The following COG3 variants were observed in gnomAD, a reference collection of about 807,000 sequenced individuals.
The protein encoded by COG3 is component of oligomeric golgi complex 3, also known as conserved oligomeric Golgi complex subunit 3.
In COG3, 32 loss-of-function variants were observed where a neutral mutation model predicts 114.1. The ratio of observed to expected loss-of-function variants is 0.28; its 90% CI spans 0.21 to 0.38. The LOEUF is 0.38. Ranked by LOEUF, COG3 falls within the 10% of genes least tolerant of loss-of-function variation. The pLI is 1.00. For synonymous variants in COG3, 352 were observed against 365.7 expected, an observed-to-expected ratio of 0.96 and a Z score of 0.43; for missense variants, 813 against 973.2, an observed-to-expected ratio of 0.84 and a Z score of 2.19.
At chr13:45,513,348 T>TATATAATATATACATATAAATTATAC (rs1425369407) in intron 16 of COG3, among the ~76,000 whole-genome samples, 1 of 130,310 alleles carries the variant, frequency 7.7e-6, no homozygotes, top group African/African-American at 3.4e-5. Context: ...ATATAAATTA[T>TATATAATATATACATATAAATTATAC]ATATAATATA....
In COG3 at chr13:45,480,650, C is replaced by T. The variant is rs576516888; in HGVS notation, c.549+360C>T. Among the ~76,000 whole-genome samples the T allele has an allele frequency of 7.2e-5, 11 of 152,280 alleles. No individual in the cohort carries two copies. In the East Asian group the frequency reaches 1.4e-3, roughly 19 times the overall value. On this transcript the variant is annotated intron_variant, in intron 4 of 22. Transcript: ENST00000349995. Reference sequence around the variant, plus strand: ...ACGTGATCTCAGCTCATTGCAACCTCGGCCTCCTGGGCTCAAGCGATTCTC... The same window carrying T: ...ACGTGATCTCAGCTCATTGCAACCTTGGCCTCCTGGGCTCAAGCGATTCTC...
At position 45,476,235 on chromosome 13, in the gene COG3, A is replaced by T; in HGVS notation, c.209A>T (p.Gln70Leu). 1 of 1,613,900 alleles carries T rather than the reference A, an allele frequency of 6.2e-7. No homozygotes were observed. Among genetic ancestry groups the T allele is most frequent in the Non-Finnish European group, 8.5e-7 (1 of 1,179,896 alleles). Residue 70 changes from glutamine to leucine, a missense_variant, in exon 2 of 23, where the codon CAG becomes CTG. This residue lies in a region of COG3 where 424 missense variants were observed against 430.6 expected (regional missense o/e 0.98). Coordinates refer to ENST00000349995, the MANE Select transcript of COG3 (RefSeq NM_031431.4). ...GAAGACTTGTGCAGTTTAACATCCC[A>T]GTCACTGCCCATTGAACTGACTTCA... is the stretch of plus-strand genomic sequence containing the variant. ...PIEDLCSLTSQSLPIELTSVV... is the reference protein window; with the variant it reads ...PIEDLCSLTSLSLPIELTSVV...
At chr13:45,482,130 A>G (rs1056754674) in intron 5 of COG3, among the ~76,000 whole-genome samples, 7 of 152,190 alleles carry the variant, frequency 4.6e-5, no homozygotes, top group Non-Finnish European at 8.8e-5. Context: ...AATATATACC[A>G]TGTCCTAATT....
chr13:45,489,133 G>A (rs1886849548), intron 8 of COG3, among the ~76,000 whole-genome samples: 3 of 136,160 alleles, frequency 2.2e-5, no homozygotes, highest in African/African-American at 8.4e-5. Flanking sequence ...GATGCAGTGA[G>A]CCAAGATAGC....
At chr13:45,511,642 G>T in intron 15 of COG3, 123 bp from the exon 16 acceptor site, 1 of 677,664 alleles carries the variant, frequency 1.5e-6, no homozygotes. Context: ...AATAATACAA[G>T]TAGTAAATTA....
intron 1 of COG3, 94 bp from the exon 2 acceptor site, chr13:45,476,107 T>C: frequency 8.6e-7 from 1 of 1,166,176 alleles, no homozygotes; most frequent in Non-Finnish European, 1.3e-6. Context: ...TATTTCTTTC[T>C]CTTTCAAAAC....
intron 13 of COG3, among the ~76,000 whole-genome samples, chr13:45,498,082 A>G (rs1260114730): frequency 1.3e-5 from 2 of 152,140 alleles, no homozygotes; most frequent in Admixed American, 1.3e-4. Context: ...TAATATCATC[A>G]AGTATCTAGA....
intron 16 of COG3, among the ~76,000 whole-genome samples, chr13:45,515,188 A>G (rs947588963): frequency 6.6e-6 from 1 of 152,152 alleles, no homozygotes; most frequent in African/African-American, 2.4e-5. Context: ...AATGTGTAGC[A>G]TTTCCCACTT....
At chr13:45,531,493 A>T (rs2137933930) in intron 22 of COG3, among the ~76,000 whole-genome samples, 1 of 133,542 alleles carries the variant, frequency 7.5e-6, no homozygotes, top group South Asian at 2.8e-4. Context: ...GTGAGTGTAG[A>T]TAAATCTTGT....
chr13:45,525,125 A>T, intron 20 of COG3, 74 bp downstream of exon 20: 4 of 1,253,062 alleles, frequency 3.2e-6, no homozygotes, highest in Non-Finnish European at 4.6e-6. Context: ...CCTTACTGTG[A>T]CAGCTTGGAG....
intron 1 of COG3, among the ~76,000 whole-genome samples, chr13:45,466,181 G>T (rs1885126077): frequency 6.6e-6 from 1 of 152,088 alleles, no homozygotes; most frequent in Non-Finnish European, 1.5e-5. Flanking sequence ...GGGATCACAG[G>T]TGCCTGCCAC....
chr13:45,525,634 G>GTTTTTTTTTTTTTTTTTTTTTTTTTTT (rs59577529), intron 20 of COG3, among the ~76,000 whole-genome samples: 5 of 56,630 alleles, frequency 8.8e-5, no homozygotes, highest in African/African-American at 1.5e-4. Context: ...AGGGCTTTGG[G>GTTTTTTTTTTTTTTTTTTTTTTTTTTT]TTTTTTTTTT....
At chr13:45,465,301 C>A in intron 1 of COG3, 91 bp downstream of exon 1, 1 of 1,505,670 alleles carries the variant, frequency 6.6e-7, no homozygotes, top group Non-Finnish European at 8.9e-7. Context: ...TAGCCTCTGC[C>A]CAGGATATCT....
chr13:45,533,208 A>G (rs1198884040), intron 22 of COG3, among the ~76,000 whole-genome samples: 1 of 151,878 alleles, frequency 6.6e-6, no homozygotes, highest in African/African-American at 2.4e-5. Flanking sequence ...AGACCATTCA[A>G]CTTAGTTGTC....
At chr13:45,513,468 A>T (rs1285709927) in intron 16 of COG3, among the ~76,000 whole-genome samples, 1 of 59,578 alleles carries the variant, frequency 1.7e-5, no homozygotes, top group Non-Finnish European at 2.8e-5. Flanking sequence ...ATATATACAT[A>T]TAAATTATAT....
intron 20 of COG3, among the ~76,000 whole-genome samples, chr13:45,526,166 G>T (rs1033024701): frequency 8.2e-6 from 1 of 121,674 alleles, no homozygotes; most frequent in Non-Finnish European, 1.6e-5. Flanking sequence ...TCGGCTCACT[G>T]CAACCACCTC....
intron 19 of COG3, among the ~76,000 whole-genome samples, chr13:45,524,673 C>G (rs774635862): frequency 4.6e-5 from 7 of 152,156 alleles, no homozygotes; most frequent in African/African-American, 7.2e-5. Flanking sequence ...TCTAGGGCTT[C>G]ATTTTTGTCT....
intron 19 of COG3, among the ~76,000 whole-genome samples, chr13:45,522,104 C>T (rs1356038499): frequency 6.6e-6 from 1 of 152,128 alleles, no homozygotes; most frequent in African/African-American, 2.4e-5. Flanking sequence ...TGTGCCTGGC[C>T]TTAGTTAGCA....
chr13:45,488,688 C>T (rs1177962959), intron 8 of COG3, among the ~76,000 whole-genome samples: 1 of 151,894 alleles, frequency 6.6e-6, no homozygotes, highest in Admixed American at 6.6e-5. Flanking sequence ...TTCTACGTAG[C>T]AGGAGTCCAT....
Sources: gnomAD v4.1 joint callset for allele counts (sites outside exome capture counted in the v4.1 genomes callset) on GRCh38, gnomAD v4.1.1 for gene constraint, gnomAD v4.1.1 regional missense constraint, MANE v1.5 for transcripts, NCBI Gene and HGNC (gene_info 2026-07-23, HGNC 2026-07-21) for gene names.